The following NXPE2 variants were observed in gnomAD, a reference collection of about 807,000 sequenced individuals.
NXPE2 encodes the protein neurexophilin and PC-esterase domain family member 2.
Under a neutral mutation model 34.4 loss-of-function variants are expected in NXPE2, and 34 were observed. The ratio of observed to expected loss-of-function variants is 0.99; its 90% confidence interval spans 0.75 to 1.31. The LOEUF (loss-of-function observed/expected upper bound fraction) is 1.31, where lower values mean the gene tolerates loss of function less well. Among genes scored for constraint, NXPE2 ranks in the 40% most tolerant of loss-of-function variants. The pLI is 0.00. For missense variants in NXPE2, 649 were observed against 672.5 expected (o/e 0.97, Z 0.39); for synonymous variants, 235 against 231.3 (o/e 1.02, Z -0.15).
At chr11:114,482,760 A>G in the NXPE2 span, among the ~76,000 whole-genome samples, 12 of 152,200 alleles carry the variant, frequency 7.9e-5, no homozygotes, top group Admixed American at 7.2e-4. Flanking sequence ...ATCTGAGTGC[A>G]CTAAGACTTT....
the NXPE2 span, among the ~76,000 whole-genome samples, chr11:114,741,726 G>C: frequency 6.6e-6 from 1 of 152,152 alleles, no homozygotes; most frequent in East Asian, 1.9e-4. Context: ...TTCTAAATTT[G>C]TTGAGTTGTC....
rs1376440500 is a variant in NXPE2, at chr11:114,698,177, G to A, written c.265G>A (p.Glu89Lys). 21 of 1,614,158 alleles carry A rather than the reference G, an allele frequency of 1.3e-5. No individual in the cohort carries two copies. Among genetic ancestry groups the A allele is most frequent in the Non-Finnish European group, 1.8e-5 (21 of 1,180,006 alleles). ...ETELRIKDIM[E>K]KLDQQIPPRP... is the part of the protein sequence containing the mutation. ...TGAACTTAGAATAAAGGACATTATGGAGAAACTAGACCAGCAGATCCCACC... is the reference window on the plus strand; with the variant it reads ...TGAACTTAGAATAAAGGACATTATGAAGAAACTAGACCAGCAGATCCCACC... The change falls in exon 3 of 6, where the codon GAG becomes AAG. Residue 89 changes from glutamate (E) to lysine (K), a missense_variant. Physicochemically the swap from Glu to Lys is moderately conservative, Grantham distance 56 (BLOSUM62 1). Coordinates refer to ENST00000389586, the MANE Select transcript of NXPE2 (RefSeq NM_182495.6).
chr11:114,594,749 C>T, the NXPE2 span: 2 of 1,540,362 alleles, frequency 1.3e-6, no homozygotes, highest in African/African-American at 2.7e-5. Flanking sequence ...ATTTATCATA[C>T]TTATTTTCAT....
At chr11:114,733,295 G>A in the NXPE2 span, among the ~76,000 whole-genome samples, 4 of 152,042 alleles carry the variant, frequency 2.6e-5, no homozygotes, top group Admixed American at 6.6e-5. Flanking sequence ...GGGTTTCACC[G>A]TGTTAGCCAG....
the NXPE2 span, among the ~76,000 whole-genome samples, chr11:114,473,907 A>G: frequency 2.6e-5 from 4 of 152,116 alleles, no homozygotes; most frequent in Admixed American, 6.5e-5. Context: ...GGTTGACAGA[A>G]TATGCTGATG....
chr11:114,615,506 T>C, the NXPE2 span, among the ~76,000 whole-genome samples: 1 of 151,948 alleles, frequency 6.6e-6, no homozygotes, highest in Non-Finnish European at 1.5e-5. Context: ...TGGTGGATAA[T>C]ACATGTTGCC....
the NXPE2 span, among the ~76,000 whole-genome samples, chr11:114,774,814 G>A: frequency 6.6e-6 from 1 of 152,186 alleles, no homozygotes; most frequent in Non-Finnish European, 1.5e-5. Context: ...TGCAGTAGGA[G>A]CATCATCTCC....
chr11:114,530,572 G>T, the NXPE2 span: 7 of 1,613,844 alleles, frequency 4.3e-6, no homozygotes, highest in Non-Finnish European at 5.9e-6. Flanking sequence ...GTCAGTGCTG[G>T]GGAGGACATC....
At chr11:114,514,282 A>G in the NXPE2 span, among the ~76,000 whole-genome samples, 1 of 152,202 alleles carries the variant, frequency 6.6e-6, no homozygotes, top group Non-Finnish European at 1.5e-5. Context: ...ATCTTTTGCT[A>G]TTACAGTATT....
the NXPE2 span, among the ~76,000 whole-genome samples, chr11:114,492,541 C>CT: frequency 0.036 from 5,101 of 141,392 alleles, 281 homozygotes; most frequent in African/African-American, 0.11. Context: ...GTTTCTTTTT[C>CT]TTTTTTTTTT....
chr11:114,736,428 G>A, the NXPE2 span, among the ~76,000 whole-genome samples: 1 of 152,140 alleles, frequency 6.6e-6, no homozygotes, highest in African/African-American at 2.4e-5. Flanking sequence ...AGAATTGAGC[G>A]ATATTTCTCC....
At chr11:114,564,700 G>T in the NXPE2 span, among the ~76,000 whole-genome samples, 536 of 152,100 alleles carry the variant, frequency 3.5e-3, 15 homozygotes, top group Non-Finnish European at 7.2e-4. Flanking sequence ...GTTGGAGAAA[G>T]CCATGAGGGA....
At chr11:114,760,334 G>A in the NXPE2 span, among the ~76,000 whole-genome samples, 8 of 152,182 alleles carry the variant, frequency 5.3e-5, no homozygotes, top group African/African-American at 1.2e-4. Flanking sequence ...AGAATATGTC[G>A]GTGCCCCAAT....
At chr11:114,654,762 A>G in the NXPE2 span, among the ~76,000 whole-genome samples, 1 of 152,158 alleles carries the variant, frequency 6.6e-6, no homozygotes. Flanking sequence ...GCTATTGTAA[A>G]TAGTGCTGCA....
chr11:114,579,858 C>T, the NXPE2 span, among the ~76,000 whole-genome samples: 1 of 152,104 alleles, frequency 6.6e-6, no homozygotes, highest in African/African-American at 2.4e-5. Context: ...TCTTTGGTTC[C>T]ATCAATAGTT....
the NXPE2 span, among the ~76,000 whole-genome samples, chr11:114,531,452 A>C: frequency 6.6e-6 from 1 of 152,144 alleles, no homozygotes; most frequent in Non-Finnish European, 1.5e-5. Context: ...GGCTTCAAGG[A>C]AGACAGTCCT....
chr11:114,779,194 G>A, the NXPE2 span, among the ~76,000 whole-genome samples: 29 of 152,124 alleles, frequency 1.9e-4, no homozygotes, highest in African/African-American at 6.3e-4. Flanking sequence ...TTCTTCCTTC[G>A]CCAGAGCTCT....
the NXPE2 span, among the ~76,000 whole-genome samples, chr11:114,605,614 GATA>G: frequency 6.6e-6 from 1 of 151,914 alleles, no homozygotes; most frequent in Non-Finnish European, 1.5e-5. Context: ...TTACCCGGTG[GATA>G]ATAAGTGTTG....
chr11:114,628,952 C>T, the NXPE2 span, among the ~76,000 whole-genome samples: 34 of 152,134 alleles, frequency 2.2e-4, 1 homozygote, highest in East Asian at 4.4e-3. Context: ...GACACATACA[C>T]CCTCCCAAGA....
Sources: allele counts gnomAD v4.1 joint callset (sites outside exome capture counted in the v4.1 genomes callset), GRCh38; gene constraint gnomAD v4.1.1; transcripts MANE v1.5; gene names NCBI Gene and HGNC (gene_info 2026-07-23, HGNC 2026-07-21).